Variants in NKAIN3 observed in about 807,000 individuals in gnomAD.
NKAIN3 encodes the protein sodium/potassium transporting ATPase interacting 3.
A neutral mutation model predicts 30.2 loss-of-function variants in NKAIN3; 25 were observed. That is an observed-to-expected ratio of 0.83 (90% CI 0.60 to 1.16). The LOEUF is 1.16. Ranked by LOEUF, NKAIN3 falls within the 50% of genes most tolerant of loss-of-function variation. NKAIN3 has a pLI of 0.00. For missense variants in NKAIN3, 225 were observed against 254.1 expected, an observed-to-expected ratio of 0.89 and a Z score of 0.78; for synonymous variants, 91 against 89.6, an observed-to-expected ratio of 1.02 and a Z score of -0.09.
chr8:62,999,002 C>G (rs145603072), intron 5 of NKAIN3, among the ~76,000 whole-genome samples: 1 of 152,048 alleles, frequency 6.6e-6, no homozygotes. Context: ...AACCTGTTGG[C>G]CTTTTTAAAT....
At chr8:62,453,003 T>G (rs1345620178) in intron 1 of NKAIN3, among the ~76,000 whole-genome samples, 1 of 152,194 alleles carries the variant, frequency 6.6e-6, no homozygotes, top group East Asian at 1.9e-4. Context: ...AAAGAAATTC[T>G]CACAAATACC....
chr8:62,394,819 T>C (rs1404166847), intron 1 of NKAIN3, among the ~76,000 whole-genome samples: 1 of 123,554 alleles, frequency 8.1e-6, no homozygotes, highest in African/African-American at 3.1e-5. Context: ...ACTTCTCAGA[T>C]GGTGGGGCGG....
chr8:62,856,492 T>C (rs1243998432), intron 4 of NKAIN3: 5 of 784,726 alleles, frequency 6.4e-6, no homozygotes, highest in Non-Finnish European at 1.2e-5. Flanking sequence ...GTGCTTCAAG[T>C]CAAGGAAGAT....
chr8:62,803,220 G>A (rs549679660), intron 4 of NKAIN3, among the ~76,000 whole-genome samples: 12 of 152,110 alleles, frequency 7.9e-5, no homozygotes, highest in South Asian at 2.1e-4. Context: ...CAGAAAGTTA[G>A]CAAGGATACC....
chr8:62,493,957 A>G (rs1408491963), intron 1 of NKAIN3, among the ~76,000 whole-genome samples: 3 of 152,044 alleles, frequency 2.0e-5, no homozygotes, highest in Non-Finnish European at 2.9e-5. Flanking sequence ...ATAGAATCAT[A>G]TTGTCTGCCA....
intron 5 of NKAIN3, among the ~76,000 whole-genome samples, chr8:62,930,509 C>T (rs1005978808): frequency 3.3e-5 from 5 of 152,160 alleles, no homozygotes; most frequent in Admixed American, 2.6e-4. Flanking sequence ...CCGCCTCGGC[C>T]TCCCAAAGTG....
intron 4 of NKAIN3, among the ~76,000 whole-genome samples, chr8:62,809,758 T>G (rs1818429718): frequency 6.6e-6 from 1 of 152,236 alleles, no homozygotes; most frequent in Non-Finnish European, 1.5e-5. Flanking sequence ...TTAATATCTC[T>G]ACACTTTACA....
downstream of NKAIN3, among the ~76,000 whole-genome samples, chr8:62,986,297 T>C (rs1326063254): frequency 6.6e-6 from 1 of 152,240 alleles, no homozygotes; most frequent in Non-Finnish European, 1.5e-5. Context: ...TGAGGCCCTT[T>C]GTTTTGGGTT....
chr8:62,313,012 A>T (rs2129588793), intron 1 of NKAIN3, among the ~76,000 whole-genome samples: 1 of 152,216 alleles, frequency 6.6e-6, no homozygotes, highest in South Asian at 2.1e-4. Flanking sequence ...GACAGTTGGC[A>T]TAAGCAGGAA....
intron 3 of NKAIN3, among the ~76,000 whole-genome samples, chr8:62,690,013 G>C (rs376476258): frequency 2.2e-4 from 33 of 151,832 alleles, no homozygotes; most frequent in African/African-American, 8.0e-4. Context: ...TTAAGGAAAG[G>C]AGGTAAGAGG....
chr8:62,768,124 A>G (rs948232268), intron 4 of NKAIN3, among the ~76,000 whole-genome samples: 1 of 152,138 alleles, frequency 6.6e-6, no homozygotes, highest in Non-Finnish European at 1.5e-5. Context: ...CGCATCCATC[A>G]TTGGACTGTT....
chr8:62,887,233 G>GA (rs1821173045), intron 4 of NKAIN3, among the ~76,000 whole-genome samples: 1 of 151,334 alleles, frequency 6.6e-6, no homozygotes, highest in Admixed American at 6.6e-5. Context: ...AAAGTGTTGT[G>GA]TTTTTTTTCT....
At chr8:62,594,659 G>T (rs891016928) in intron 3 of NKAIN3, among the ~76,000 whole-genome samples, 1 of 152,026 alleles carries the variant, frequency 6.6e-6, no homozygotes, top group African/African-American at 2.4e-5. Context: ...TGTATTTAAA[G>T]ACTTTTTTAA....
At position 62,970,771 on chromosome 8, in the gene NKAIN3, T is replaced by C. The variant is rs1464330836; in HGVS notation, c.*5364T>C. ...ACTCAGAATTTTGTTCTTGTTTCTT[T>C]GATTGACTAAAAACATTGAATCATT... On this transcript the variant is annotated 3_prime_UTR_variant, in exon 7 of 7. Coordinates refer to ENST00000623646, the MANE Select transcript of NKAIN3 (RefSeq NM_001304533.3). 6.6e-6 allele frequency among the ~76,000 whole-genome samples: 1 copy of C among 152,218 alleles called. No homozygotes were observed. Among genetic ancestry groups the C allele is most frequent in the African/African-American group, 2.4e-5 (1 of 41,454 alleles).
At chr8:62,322,262 C>A (rs961342736) in intron 1 of NKAIN3, among the ~76,000 whole-genome samples, 2 of 152,178 alleles carry the variant, frequency 1.3e-5, no homozygotes, top group Non-Finnish European at 1.5e-5. Flanking sequence ...AATTCCGTGA[C>A]CCTTTGTGTT....
At chr8:62,276,876 C>T (rs1021210996) in intron 1 of NKAIN3, among the ~76,000 whole-genome samples, 1 of 152,062 alleles carries the variant, frequency 6.6e-6, no homozygotes, top group Non-Finnish European at 1.5e-5. Flanking sequence ...TGTGATTTCT[C>T]TGCTTCATTT....
intron 1 of NKAIN3, among the ~76,000 whole-genome samples, chr8:62,544,025 A>T (rs999062598): frequency 2.0e-5 from 3 of 152,114 alleles, no homozygotes; most frequent in Admixed American, 6.6e-5. Flanking sequence ...ATTTTGAGAC[A>T]AGTTCTCACT....
At chr8:62,480,175 C>G (rs1806667913) in intron 1 of NKAIN3, among the ~76,000 whole-genome samples, 1 of 152,122 alleles carries the variant, frequency 6.6e-6, no homozygotes, top group African/African-American at 2.4e-5. Context: ...CTCCCAGACC[C>G]TAATAAGCAT....
Position 62,645,223 on chromosome 8 carries a change from A to T in NKAIN3, c.273+55429A>T, listed in dbSNP as rs145167650. Among the ~76,000 whole-genome samples the T allele has an allele frequency of 3.2e-3, 483 of 152,284 alleles. 4 individuals are homozygous for T. Among genetic ancestry groups the T allele is most frequent in the Middle Eastern group, 0.01 (3 of 294 alleles). ...CACAGAATTGAACAGCAGGAAAATA[A>T]GGATAGTTCTGGGGCAAAGCCAAAT... is the stretch of plus-strand genomic sequence containing the variant. On this transcript the variant is annotated intron_variant, in intron 3 of 6. Coordinates refer to ENST00000623646, the MANE Select transcript of NKAIN3 (RefSeq NM_001304533.3).
Sources: gnomAD v4.1 joint callset for allele counts (sites outside exome capture counted in the v4.1 genomes callset) on GRCh38, gnomAD v4.1.1 for gene constraint, MANE v1.5 for transcripts, NCBI Gene and HGNC (gene_info 2026-07-23, HGNC 2026-07-21) for gene names.